The following CHST11 variants were observed in gnomAD, a reference collection of about 807,000 sequenced individuals.
CHST11 encodes carbohydrate sulfotransferase 11.
In CHST11, 9 loss-of-function variants were observed where a neutral mutation model predicts 30.4. The observed-to-expected ratio is 0.30, with a 90% CI of 0.18 to 0.52. The LOEUF is 0.52. CHST11 is among the 20% of genes least tolerant of loss of function. CHST11 has a pLI of 0.97. For synonymous variants in CHST11, 152 were observed against 187.8 expected (o/e 0.81, Z 1.56); for missense variants, 348 against 460.6 (o/e 0.76, Z 2.24).
chr12:104,636,411 T>C (rs1218474838), intron 2 of CHST11, among the ~76,000 whole-genome samples: 1 of 152,256 alleles, frequency 6.6e-6, no homozygotes, highest in African/African-American at 2.4e-5. Context: ...TCTCTCCGTC[T>C]GTTCTCCATG....
At chr12:104,509,956 G>C (rs73384135) in intron 1 of CHST11, among the ~76,000 whole-genome samples, 3,995 of 152,308 alleles carry the variant, frequency 0.026, 185 homozygotes, top group African/African-American at 0.091. Flanking sequence ...CAGGGACCTA[G>C]GCTCCTTCCA....
intron 2 of CHST11, among the ~76,000 whole-genome samples, chr12:104,613,309 A>G (rs1258020784): frequency 6.6e-6 from 1 of 152,226 alleles, no homozygotes; most frequent in Non-Finnish European, 1.5e-5. Flanking sequence ...ATATAGATAC[A>G]TATAAAAGGA....
intron 1 of CHST11, among the ~76,000 whole-genome samples, chr12:104,506,068 ATG>A (rs1490494552): frequency 6.6e-6 from 1 of 152,224 alleles, no homozygotes; most frequent in Non-Finnish European, 1.5e-5. Context: ...TTCTGGAAAC[ATG>A]GTAGTTATTC....
chr12:104,549,522 A>G (rs1286652598), intron 1 of CHST11, among the ~76,000 whole-genome samples: 1 of 152,204 alleles, frequency 6.6e-6, no homozygotes, highest in Non-Finnish European at 1.5e-5. Flanking sequence ...AAAAGAGATT[A>G]CAAGTGATTT....
chr12:104,479,029 CAA>C, intron 1 of CHST11, among the ~76,000 whole-genome samples: 1 of 152,116 alleles, frequency 6.6e-6, no homozygotes, highest in Non-Finnish European at 1.5e-5. Flanking sequence ...AAGCCGTTTT[CAA>C]AAGAGTCACC....
At chr12:104,710,881 T>C (rs1308207077) in intron 2 of CHST11, among the ~76,000 whole-genome samples, 1 of 152,194 alleles carries the variant, frequency 6.6e-6, no homozygotes, top group Non-Finnish European at 1.5e-5. Flanking sequence ...TCTCCTAAAA[T>C]CCAACCCTTT....
chr12:104,617,432 T>TC (rs1252587222), intron 2 of CHST11, among the ~76,000 whole-genome samples: 1 of 151,934 alleles, frequency 6.6e-6, no homozygotes, highest in African/African-American at 2.4e-5. Context: ...CATTCTCCCA[T>TC]CCCCCCTGCA....
chr12:104,465,416 A>G (rs1349122947), intron 1 of CHST11, among the ~76,000 whole-genome samples: 1 of 152,238 alleles, frequency 6.6e-6, no homozygotes, highest in Non-Finnish European at 1.5e-5. Flanking sequence ...AAGTTCATCT[A>G]GAAATAGACA....
intron 1 of CHST11, among the ~76,000 whole-genome samples, chr12:104,540,771 G>A (rs1425991381): frequency 4.0e-5 from 6 of 150,668 alleles, no homozygotes; most frequent in Non-Finnish European, 8.9e-5. Context: ...TGGAGGCAAA[G>A]CCTCCAGACG....
chr12:104,583,472 G>C lies in CHST11; in HGVS notation c.119-18434G>C, dbSNP rs1158123666. 5.9e-5 allele frequency among the ~76,000 whole-genome samples: 9 copies of C among 152,090 alleles called. No homozygotes were observed. In the East Asian group the frequency reaches 1.5e-3, roughly 26 times the overall value. The stretch of plus-strand genomic sequence containing the variant: ...GCAGCTCCAATGGCCTTTTCCCTCT[G>C]ACCATATTTCAACAACCACACTTGA... On this transcript the variant is annotated intron_variant, in intron 1 of 2. Transcript: ENST00000303694.
chr12:104,518,379 C>T (rs2038045249), intron 1 of CHST11, among the ~76,000 whole-genome samples: 1 of 152,140 alleles, frequency 6.6e-6, no homozygotes, highest in African/African-American at 2.4e-5. Flanking sequence ...GGATGATACA[C>T]ATGTTATCAT....
intron 2 of CHST11, among the ~76,000 whole-genome samples, chr12:104,669,931 G>T (rs1185685726): frequency 6.6e-6 from 1 of 152,250 alleles, no homozygotes; most frequent in Admixed American, 6.5e-5. Context: ...AGAGAACTGA[G>T]TTGATGCATA....
chr12:104,598,356 T>G (rs751663009), intron 1 of CHST11, among the ~76,000 whole-genome samples: 8 of 152,186 alleles, frequency 5.3e-5, no homozygotes, highest in Non-Finnish European at 1.0e-4. Flanking sequence ...TCGCACAGCA[T>G]CAGCAGTAGG....
chr12:104,532,140 C>T (rs765031140), intron 1 of CHST11, among the ~76,000 whole-genome samples: 2 of 152,206 alleles, frequency 1.3e-5, no homozygotes, highest in African/African-American at 2.4e-5. Flanking sequence ...TCCAGCCCCA[C>T]GAATCGGCTT....
At chr12:104,514,445 T>C in intron 1 of CHST11, 2 of 845,072 alleles carry the variant, frequency 2.4e-6, no homozygotes, top group Non-Finnish European at 4.0e-6. Context: ...TGTGAGACTC[T>C]GTGGGGGTCA....
intron 2 of CHST11, among the ~76,000 whole-genome samples, chr12:104,697,026 G>A (rs1482130426): frequency 6.6e-6 from 1 of 152,168 alleles, no homozygotes; most frequent in East Asian, 1.9e-4. Flanking sequence ...CCTATAGGTA[G>A]ACAGATAAAT....
chr12:104,615,237 A>G (rs1461134573), intron 2 of CHST11, among the ~76,000 whole-genome samples: 1 of 152,240 alleles, frequency 6.6e-6, no homozygotes, highest in Non-Finnish European at 1.5e-5. Flanking sequence ...AGGGACTTGA[A>G]GCCACAAAAT....
chr12:104,535,092 C>G (rs992509484), intron 1 of CHST11, among the ~76,000 whole-genome samples: 3 of 152,234 alleles, frequency 2.0e-5, no homozygotes, highest in Admixed American at 6.5e-5. Context: ...GCTGTTTCTT[C>G]ATGTTGTAAG....
chr12:104,693,279 C>T (rs1047793641), intron 2 of CHST11, among the ~76,000 whole-genome samples: 6 of 152,180 alleles, frequency 3.9e-5, no homozygotes, highest in Admixed American at 3.9e-4. Flanking sequence ...TTGAAGGGGT[C>T]ACAGATCAGC....
Sources: gnomAD v4.1 joint callset for allele counts (sites outside exome capture counted in the v4.1 genomes callset) on GRCh38, gnomAD v4.1.1 for gene constraint, MANE v1.5 for transcripts, NCBI Gene and HGNC (gene_info 2026-07-23, HGNC 2026-07-21) for gene names.